Variants in BCKDHB observed in about 807,000 individuals in gnomAD.
BCKDHB encodes the protein branched chain keto acid dehydrogenase E1 subunit beta, also known as 2-oxoisovalerate dehydrogenase subunit beta, mitochondrial.
In BCKDHB, 41 loss-of-function variants were observed where a neutral mutation model predicts 48.5. The observed-to-expected ratio is 0.85, with a 90% CI of 0.66 to 1.10. The LOEUF is 1.10. Ranked by LOEUF, BCKDHB falls within the 50% of genes least tolerant of loss-of-function variation. BCKDHB has a pLI of 0.00. For synonymous variants in BCKDHB, 201 were observed against 174.8 expected, an observed-to-expected ratio of 1.15 and a Z score of -1.18; for missense variants, 496 against 494.2, an observed-to-expected ratio of 1.00 and a Z score of -0.03.
chr6:80,450,505 A>G, the BCKDHB span, among the ~76,000 whole-genome samples: 1 of 152,132 alleles, frequency 6.6e-6, no homozygotes. Context: ...AGGAATTTGC[A>G]TTTAAGGGCA....
chr6:80,191,732 A>G (rs760347499), intron 6 of BCKDHB, among the ~76,000 whole-genome samples: 2 of 152,102 alleles, frequency 1.3e-5, no homozygotes, highest in Non-Finnish European at 2.9e-5. Flanking sequence ...TCTTTTGACA[A>G]GTTGAAGACT....
the BCKDHB span, among the ~76,000 whole-genome samples, chr6:80,388,916 A>T: frequency 6.6e-6 from 1 of 152,290 alleles, no homozygotes; most frequent in Admixed American, 6.5e-5. Flanking sequence ...TAGACTTTGC[A>T]TGGAAGGAGA....
intron 3 of BCKDHB, among the ~76,000 whole-genome samples, chr6:80,157,168 G>C (rs1469628120): frequency 6.6e-6 from 1 of 151,700 alleles, no homozygotes; most frequent in Non-Finnish European, 1.5e-5. Context: ...TTTTCTATGG[G>C]TTGCTTAAAA....
the BCKDHB span, among the ~76,000 whole-genome samples, chr6:80,408,632 G>A: frequency 6.6e-6 from 1 of 151,976 alleles, no homozygotes; most frequent in Non-Finnish European, 1.5e-5. Context: ...AGATTTTCTA[G>A]GTTATTTGCA....
intron 8 of BCKDHB, among the ~76,000 whole-genome samples, chr6:80,264,638 G>T (rs371694430): frequency 4.6e-5 from 7 of 152,240 alleles, no homozygotes; most frequent in Admixed American, 2.0e-4. Flanking sequence ...TGACATTGAT[G>T]ATGTCAGGAA....
chr6:80,152,591 AAG>A (rs1476405881), intron 3 of BCKDHB, among the ~76,000 whole-genome samples: 1 of 152,196 alleles, frequency 6.6e-6, no homozygotes, highest in Non-Finnish European at 1.5e-5. Context: ...GTGATTTCCA[AAG>A]TACAGACATT....
intron 3 of BCKDHB, among the ~76,000 whole-genome samples, chr6:80,130,982 G>A (rs571278064): frequency 2.0e-5 from 3 of 152,228 alleles, no homozygotes; most frequent in South Asian, 4.1e-4. Context: ...AACTCACTGC[G>A]TCAGGTACTG....
chr6:80,230,340 G>GT (rs917325641), intron 8 of BCKDHB, among the ~76,000 whole-genome samples: 8 of 151,772 alleles, frequency 5.3e-5, no homozygotes, highest in Non-Finnish European at 1.0e-4. Flanking sequence ...GCCTGGCCAG[G>GT]TTTTTTTAAA....
chr6:80,417,112 T>C, the BCKDHB span, among the ~76,000 whole-genome samples: 2 of 152,226 alleles, frequency 1.3e-5, no homozygotes, highest in East Asian at 1.9e-4. Flanking sequence ...TGTAATGCTC[T>C]TGTCTTTTTT....
the BCKDHB span, among the ~76,000 whole-genome samples, chr6:80,354,879 A>G: frequency 0.41 from 62,195 of 152,116 alleles, 15,447 homozygotes; most frequent in Admixed American, 0.57. Flanking sequence ...GTTTTATACC[A>G]GTACTGTGCT....
chr6:80,231,148 T>A (rs1775906608), intron 8 of BCKDHB, among the ~76,000 whole-genome samples: 1 of 152,234 alleles, frequency 6.6e-6, no homozygotes, highest in Admixed American at 6.5e-5. Flanking sequence ...AAGGATAGTT[T>A]ACTGAATAAA....
the BCKDHB span, among the ~76,000 whole-genome samples, chr6:80,389,875 G>T: frequency 6.6e-6 from 1 of 152,098 alleles, no homozygotes; most frequent in Non-Finnish European, 1.5e-5. Context: ...GAATCAAGAG[G>T]TGGAAGTAGC....
At chr6:80,125,496 A>G (rs1278796640) in intron 1 of BCKDHB, among the ~76,000 whole-genome samples, 3 of 152,234 alleles carry the variant, frequency 2.0e-5, no homozygotes, top group East Asian at 3.8e-4. Context: ...CAAGAAGCCT[A>G]GCTTTCAGAC....
At chr6:80,410,469 A>G in the BCKDHB span, among the ~76,000 whole-genome samples, 2 of 151,986 alleles carry the variant, frequency 1.3e-5, no homozygotes, top group South Asian at 2.1e-4. Context: ...TGTTCTCTAT[A>G]TTTCCTGAAT....
chr6:80,428,923 G>A, the BCKDHB span, among the ~76,000 whole-genome samples: 1 of 152,152 alleles, frequency 6.6e-6, no homozygotes, highest in Admixed American at 6.5e-5. Flanking sequence ...TGGTTTTGGT[G>A]TTTTAGACAT....
chr6:80,442,243 T>C, the BCKDHB span, among the ~76,000 whole-genome samples: 1 of 152,146 alleles, frequency 6.6e-6, no homozygotes, highest in Non-Finnish European at 1.5e-5. Flanking sequence ...CACAGTTAAA[T>C]TATACTTGGC....
intron 9 of BCKDHB, among the ~76,000 whole-genome samples, chr6:80,301,531 T>G (rs1210145518): frequency 6.6e-6 from 1 of 151,916 alleles, no homozygotes; most frequent in Non-Finnish European, 1.5e-5. Flanking sequence ...ATTGAATCAT[T>G]AAGCGCCATG....
the BCKDHB span, among the ~76,000 whole-genome samples, chr6:80,389,510 G>T: frequency 0.95 from 144,016 of 152,314 alleles, 68,621 homozygotes; most frequent in East Asian, 1. Flanking sequence ...GTTTGCCTAT[G>T]CTGCATACAG....
chr6:80,218,760 A>G (rs1462343812), intron 8 of BCKDHB, among the ~76,000 whole-genome samples: 1 of 151,566 alleles, frequency 6.6e-6, no homozygotes, highest in African/African-American at 2.4e-5. Flanking sequence ...CTCCCTTCCA[A>G]TTCCCATTTT....
Sources: allele counts gnomAD v4.1 joint callset (sites outside exome capture counted in the v4.1 genomes callset), GRCh38; gene constraint gnomAD v4.1.1; transcripts MANE v1.5; gene names NCBI Gene and HGNC (gene_info 2026-07-23, HGNC 2026-07-21).